Variants in ADAMTSL1 observed in about 807,000 individuals in gnomAD.
The protein encoded by ADAMTSL1 is ADAMTS-like protein 1.
A neutral mutation model predicts 201.8 loss-of-function variants in ADAMTSL1; 126 were observed. The ratio of observed to expected loss-of-function variants is 0.62; its 90% CI spans 0.54 to 0.72. The LOEUF (loss-of-function observed/expected upper bound fraction) is 0.72, where lower values mean the gene tolerates loss of function less well. Ranked by LOEUF, ADAMTSL1 falls within the 30% of genes least tolerant of loss-of-function variation. ADAMTSL1 has a pLI of 0.00. For missense variants in ADAMTSL1, 2,679 were observed against 2,277.8 expected (o/e 1.18, Z -3.59); for synonymous variants, 1,121 against 903.4 (o/e 1.24, Z -4.32).
intron 23 of ADAMTSL1, among the ~76,000 whole-genome samples, chr9:18,887,342 TC>T (rs1309569360): frequency 7.2e-5 from 11 of 152,242 alleles, no homozygotes; most frequent in Admixed American, 7.2e-4. Context: ...AAAATTGCTT[TC>T]CTAGTCTCTG....
At chr9:18,050,772 G>T (rs891652362) in intron 1 of ADAMTSL1, among the ~76,000 whole-genome samples, 1 of 152,102 alleles carries the variant, frequency 6.6e-6, no homozygotes, top group African/African-American at 2.4e-5. Context: ...ATATTTAGGG[G>T]GAAACATAAG....
chr9:18,027,027 T>C (rs1820726375), intron 1 of ADAMTSL1, among the ~76,000 whole-genome samples: 1 of 152,032 alleles, frequency 6.6e-6, no homozygotes. Flanking sequence ...TGAGGATCTA[T>C]TATATTTCTG....
At chr9:18,446,591 A>C (rs1266877561) in intron 2 of ADAMTSL1, among the ~76,000 whole-genome samples, 1 of 152,230 alleles carries the variant, frequency 6.6e-6, no homozygotes, top group South Asian at 2.1e-4. Flanking sequence ...CAAAAGGCCA[A>C]ATGGGTCCAT....
At chr9:18,438,998 T>C (rs891331167) in intron 2 of ADAMTSL1, among the ~76,000 whole-genome samples, 2 of 152,072 alleles carry the variant, frequency 1.3e-5, no homozygotes, top group African/African-American at 4.8e-5. Context: ...CAGGTTTTTT[T>C]TTTTTTCTTT....
Position 17,956,960 on chromosome 9 carries a change from A to G in ADAMTSL1, c.87+50038A>G, listed in dbSNP as rs552562412. 3.9e-5 allele frequency among the ~76,000 whole-genome samples: 6 copies of G among 152,156 alleles called. No homozygotes were observed. The East Asian group carries it at 1.2e-3, about 29-fold the overall frequency. ...AGCTTGCAAGAATTAAAATCATCCT[A>G]CTTTGGTGCCTGTTAATTGTTACTG... On this transcript the variant is annotated intron_variant, in intron 1 of 29. Coordinates refer to the ADAMTSL1 transcript ENST00000680146.
At chr9:18,641,318 C>A (rs188854081) in intron 7 of ADAMTSL1, among the ~76,000 whole-genome samples, 3 of 152,062 alleles carry the variant, frequency 2.0e-5, no homozygotes, top group African/African-American at 7.2e-5. Flanking sequence ...GTCTTCATAT[C>A]TCCATAAGAA....
At chr9:18,309,372 A>G (rs1834030017) in intron 2 of ADAMTSL1, among the ~76,000 whole-genome samples, 1 of 152,188 alleles carries the variant, frequency 6.6e-6, no homozygotes, top group African/African-American at 2.4e-5. Flanking sequence ...AAGTGTATTC[A>G]GATAGGAAGA....
intron 15 of ADAMTSL1, among the ~76,000 whole-genome samples, chr9:18,733,440 C>A (rs996544211): frequency 6.6e-6 from 1 of 152,164 alleles, no homozygotes; most frequent in Non-Finnish European, 1.5e-5. Context: ...AAGTGAATGT[C>A]TTCAACCCCA....
chr9:18,550,354 T>C (rs567565604), intron 3 of ADAMTSL1, among the ~76,000 whole-genome samples: 2 of 152,028 alleles, frequency 1.3e-5, no homozygotes, highest in South Asian at 4.2e-4. Context: ...AGCAGAGCGC[T>C]TTCCTCAGCT....
At chr9:18,901,695 C>A (rs2131606101) in intron 26 of ADAMTSL1, among the ~76,000 whole-genome samples, 1 of 152,056 alleles carries the variant, frequency 6.6e-6, no homozygotes, top group Non-Finnish European at 1.5e-5. Context: ...CAAAATTTGT[C>A]ACTATAAAAA....
intron 1 of ADAMTSL1, among the ~76,000 whole-genome samples, chr9:18,032,256 G>A (rs763201567): frequency 7.9e-5 from 12 of 152,256 alleles, no homozygotes; most frequent in African/African-American, 2.9e-4. Context: ...TCCCAAGAGT[G>A]GTGGCTCCTC....
intron 26 of ADAMTSL1, among the ~76,000 whole-genome samples, chr9:18,893,220 C>G (rs1829402709): frequency 6.6e-6 from 1 of 152,034 alleles, no homozygotes; most frequent in African/African-American, 2.4e-5. Context: ...TCTCATAGGT[C>G]ACATTCATCT....
At chr9:18,095,412 CTTTCTTTTTT>C (rs1271070297) in intron 1 of ADAMTSL1, among the ~76,000 whole-genome samples, 74 of 117,858 alleles carry the variant, frequency 6.3e-4, no homozygotes, top group Non-Finnish European at 6.1e-4. Flanking sequence ...TTTCTTCTTT[CTTTCTTTTTT>C]TTTTTTTTTT....
In ADAMTSL1 at chr9:18,906,714, T is replaced by G. The variant is rs1380327831; in HGVS notation, c.4984T>G (p.Trp1662Gly). 1 of 1,606,334 alleles carries G rather than the reference T, an allele frequency of 6.2e-7. No individual in the cohort carries two copies. Among genetic ancestry groups the G allele is most frequent in the Non-Finnish European group, 8.5e-7 (1 of 1,176,070 alleles). ...LPRPVSTQNC[W>G]SEACSVHWRV... ...CAGGCCTGTGAGCACCCAGAACTGC[T>G]GGTCAGAGGCCTGCAGTGTACACTG... The change falls in exon 28 of 29, where the codon TGG becomes GGG. Residue 1662 changes from tryptophan (W) to glycine (G), a missense_variant. By Grantham distance (184) the Trp-to-Gly change is radical (BLOSUM62 -2). Coordinates refer to ENST00000380548, the MANE Select transcript of ADAMTSL1 (RefSeq NM_001040272.6).
chr9:17,965,491 T>C (rs1817948240), intron 1 of ADAMTSL1, among the ~76,000 whole-genome samples: 1 of 152,306 alleles, frequency 6.6e-6, no homozygotes, highest in South Asian at 2.1e-4. Context: ...TGATGTGCTA[T>C]ATTTAGGCTG....
chr9:18,640,680 G>C (rs573539891), intron 7 of ADAMTSL1, among the ~76,000 whole-genome samples: 1 of 151,940 alleles, frequency 6.6e-6, no homozygotes, highest in Non-Finnish European at 1.5e-5. Context: ...TATAAATGAA[G>C]ACACTGTCTG....
intron 2 of ADAMTSL1, among the ~76,000 whole-genome samples, chr9:18,260,095 C>T (rs533613810): frequency 2.0e-5 from 3 of 152,192 alleles, no homozygotes; most frequent in Non-Finnish European, 4.4e-5. Context: ...AATCTTCACA[C>T]TATTATGTAT....
At chr9:18,732,553 G>T (rs929230719) in intron 15 of ADAMTSL1, among the ~76,000 whole-genome samples, 5 of 152,196 alleles carry the variant, frequency 3.3e-5, no homozygotes, top group African/African-American at 1.2e-4. Flanking sequence ...TTGACAAGAG[G>T]TGTGATCCTG....
At chr9:18,727,635 G>A (rs1817969224) in intron 15 of ADAMTSL1, among the ~76,000 whole-genome samples, 1 of 152,206 alleles carries the variant, frequency 6.6e-6, no homozygotes, top group Non-Finnish European at 1.5e-5. Context: ...ATCAACAAGG[G>A]TAAAGGTTAT....
Sources: gnomAD v4.1 joint callset for allele counts (sites outside exome capture counted in the v4.1 genomes callset) on GRCh38, gnomAD v4.1.1 for gene constraint, MANE v1.5 for transcripts, NCBI Gene and HGNC (gene_info 2026-07-23, HGNC 2026-07-21) for gene names.